SHISA9: variants seen among roughly 807,000 people sequenced by gnomAD.
SHISA9 encodes the protein protein shisa-9.
SHISA9 carries 13 observed loss-of-function variants against 38.0 expected under a neutral mutation model. The observed-to-expected ratio is 0.34, with a 90% CI of 0.22 to 0.54. The LOEUF is 0.54. Ranked by LOEUF, SHISA9 falls within the 20% of genes least tolerant of loss-of-function variation. The probability of loss-of-function intolerance (pLI) is 0.91; values close to 1 mark genes in which losing one functional copy is unlikely to be tolerated. For synonymous variants in SHISA9, 275 were observed against 242.0 expected (o/e 1.14, Z -1.27); for missense variants, 538 against 575.8 (o/e 0.93, Z 0.67).
chr16:13,240,419 C>T (rs1007945761), downstream of SHISA9: 1 of 152,114 alleles, frequency 6.6e-6, no homozygotes, highest in African/African-American at 2.4e-5. Flanking sequence ...ATATGTGAGG[C>T]TGTTGGGATT....
intron 2 of SHISA9, among the ~76,000 whole-genome samples, chr16:13,103,935 C>T (rs772599473): frequency 1.8e-4 from 27 of 152,116 alleles, no homozygotes; most frequent in Admixed American, 3.9e-4. Flanking sequence ...GGATATACGC[C>T]ACTCTCCAAG....
chr16:13,252,379 A>C, the SHISA9 span, among the ~76,000 whole-genome samples: 1 of 152,212 alleles, frequency 6.6e-6, no homozygotes, highest in Non-Finnish European at 1.5e-5. Flanking sequence ...ACTGGCATGT[A>C]GTGCATAGAG....
intron 2 of SHISA9, among the ~76,000 whole-genome samples, chr16:12,955,384 G>A (rs898004033): frequency 2.0e-5 from 3 of 152,100 alleles, no homozygotes; most frequent in Non-Finnish European, 4.4e-5. Context: ...TCAGTCTCTG[G>A]GCAGATGTGC....
At chr16:13,531,726 C>A in the SHISA9 span, among the ~76,000 whole-genome samples, 3 of 152,076 alleles carry the variant, frequency 2.0e-5, no homozygotes, top group Non-Finnish European at 4.4e-5. Flanking sequence ...AAGTAAGATG[C>A]GTAATCCCAC....
intron 2 of SHISA9, among the ~76,000 whole-genome samples, chr16:12,972,970 G>T (rs890238416): frequency 7.2e-5 from 11 of 152,092 alleles, no homozygotes; most frequent in Admixed American, 7.2e-4. Flanking sequence ...GCAAAAATTA[G>T]CCAGGCGTGG....
chr16:13,029,055 T>C (rs970809926), intron 2 of SHISA9, among the ~76,000 whole-genome samples: 8 of 152,320 alleles, frequency 5.3e-5, no homozygotes, highest in African/African-American at 1.9e-4. Flanking sequence ...TTCTCTCCTT[T>C]TAAAATTTTT....
At chr16:13,106,848 T>G (rs2073929628) in intron 2 of SHISA9, among the ~76,000 whole-genome samples, 1 of 152,170 alleles carries the variant, frequency 6.6e-6, no homozygotes, top group African/African-American at 2.4e-5. Context: ...TTTCTGAGAA[T>G]GAAGCCGTCC....
chr16:12,916,923 G>A, intron 2 of SHISA9, 108 bp downstream of exon 2: 1 of 1,258,812 alleles, frequency 7.9e-7, no homozygotes, highest in Non-Finnish European at 1.1e-6. Flanking sequence ...GCTCTTTGTG[G>A]GCAAGTTAGA....
chr16:13,338,153 G>T, the SHISA9 span, among the ~76,000 whole-genome samples: 1 of 152,108 alleles, frequency 6.6e-6, no homozygotes, highest in African/African-American at 2.4e-5. Context: ...CTTACCCAAC[G>T]TGTCACCAGC....
intron 2 of SHISA9, among the ~76,000 whole-genome samples, chr16:13,011,079 A>G (rs2072666840): frequency 6.6e-6 from 1 of 152,220 alleles, no homozygotes. Flanking sequence ...GGCAGCAGTG[A>G]ACCAGAGAGA....
the SHISA9 span, among the ~76,000 whole-genome samples, chr16:13,480,837 G>C: frequency 2.1e-3 from 321 of 152,226 alleles, 1 homozygote; most frequent in Non-Finnish European, 3.3e-3. Context: ...ATCACTCCTT[G>C]GCAGAAGAAA....
rs183696805 is a variant in SHISA9, at chr16:13,112,510, A to C, written c.692-90884A>C. On this transcript the variant is annotated intron_variant, in intron 2 of 4. Coordinates refer to ENST00000558583, the MANE Select transcript of SHISA9 (RefSeq NM_001145204.3). ...CTCAAGGAACATTTTCCAAATATGC[A>C]TTCTGGGACCCCACGCCACAGCTAC... 1.4e-3 allele frequency among the ~76,000 whole-genome samples: 208 copies of C among 152,264 alleles called. 4 individuals are homozygous for C. The highest frequency in any genetic ancestry group is 0.012 in the Admixed American group (179 of 15,266).
At chr16:13,148,879 C>G (rs1228106723) in intron 2 of SHISA9, among the ~76,000 whole-genome samples, 2 of 151,964 alleles carry the variant, frequency 1.3e-5, no homozygotes, top group African/African-American at 4.8e-5. Flanking sequence ...TTCTATTTGC[C>G]TATTTTTAGC....
rs936726817 is a variant in SHISA9 at position 12,902,190 on chromosome 16, G to T, written c.126G>T (p.Ala42=). 4 of 1,529,902 alleles carry T rather than the reference G, an allele frequency of 2.6e-6. No homozygotes were observed. Among genetic ancestry groups the T allele is most frequent in the Middle Eastern group, 1.8e-4 (1 of 5,484 alleles). 94.8% of individuals were successfully genotyped at this position (1,529,902 alleles called of 1,614,324 possible). A position where few individuals can be genotyped will look rare whatever the true frequency, so the allele number is the denominator to read the frequency against. The change falls in exon 1 of 5, where the codon GCG becomes GCT. Residue 42 remains alanine, a synonymous_variant. Transcript: ENST00000558583. The part of the protein sequence containing the change: ...LAQLGGVLLL[A]GGNRSGAASG... ...AACTGGGCGGCGTGTTGCTGCTGGC[G>T]GGGGGCAACCGCTCCGGGGCCGCCT... is the stretch of plus-strand genomic sequence containing the variant.
the SHISA9 span, among the ~76,000 whole-genome samples, chr16:13,363,365 C>T: frequency 1.3e-5 from 2 of 152,146 alleles, no homozygotes; most frequent in Admixed American, 6.5e-5. Context: ...GTGCTTGGCA[C>T]AATGACCGGC....
chr16:13,249,982 C>A, the SHISA9 span, among the ~76,000 whole-genome samples: 1 of 152,190 alleles, frequency 6.6e-6, no homozygotes, highest in Non-Finnish European at 1.5e-5. Context: ...AATGCTTCCG[C>A]CTCGGTCTGC....
At chr16:13,148,028 A>G (rs532699860) in intron 2 of SHISA9, among the ~76,000 whole-genome samples, 1 of 152,152 alleles carries the variant, frequency 6.6e-6, no homozygotes, top group Non-Finnish European at 1.5e-5. Flanking sequence ...ATGTTGAAGA[A>G]GGACCTAGGG....
chr16:12,927,672 G>A (rs962742645), intron 2 of SHISA9, among the ~76,000 whole-genome samples: 5 of 151,658 alleles, frequency 3.3e-5, no homozygotes, highest in African/African-American at 1.2e-4. Context: ...GCCTCCCAAA[G>A]TGTTGGGATT....
intron 2 of SHISA9, among the ~76,000 whole-genome samples, chr16:13,087,147 C>CTTTTTTT (rs956913326): frequency 2.5e-5 from 2 of 81,628 alleles, no homozygotes; most frequent in South Asian, 4.5e-4. Context: ...ATGAACTCGT[C>CTTTTTTT]TTTTTTTTTT....
Sources: gnomAD v4.1 joint callset for allele counts (sites outside exome capture counted in the v4.1 genomes callset) on GRCh38, gnomAD v4.1.1 for gene constraint, MANE v1.5 for transcripts, NCBI Gene and HGNC (gene_info 2026-07-23, HGNC 2026-07-21) for gene names.